Variants in LOXHD1 observed in about 807,000 individuals in gnomAD.
The protein encoded by LOXHD1 is lipoxygenase homology PLAT domains 1.
A neutral mutation model predicts 248.2 loss-of-function variants in LOXHD1; 205 were observed. The observed-to-expected ratio is 0.83, with a 90% CI of 0.74 to 0.93. The LOEUF (loss-of-function observed/expected upper bound fraction) is 0.93. LOXHD1 is among the 40% of genes least tolerant of loss of function. LOXHD1 has a pLI of 0.00. For synonymous variants in LOXHD1, 1,113 were observed against 1,162.8 expected, an observed-to-expected ratio of 0.96 and a Z score of 0.87; for missense variants, 2,930 against 2,971.6, an observed-to-expected ratio of 0.99 and a Z score of 0.33.
intron 11 of LOXHD1, 51 bp downstream of exon 11, chr18:46,592,447 T>C (rs2038188873): frequency 7.0e-7 from 1 of 1,420,030 alleles, no homozygotes; most frequent in Non-Finnish European, 9.7e-7. Context: ...AAAGGGACCA[T>C]CCTTGTTCCT....
At chr18:46,539,795 A>T (rs952476598) in intron 25 of LOXHD1, among the ~76,000 whole-genome samples, 4 of 152,296 alleles carry the variant, frequency 2.6e-5, no homozygotes, top group Non-Finnish European at 5.9e-5. Context: ...CTAAAAAAAA[A>T]TTTAAGAAAA....
At chr18:46,559,636 T>C in intron 19 of LOXHD1, 34 bp from the exon 20 acceptor site, 1 of 1,548,026 alleles carries the variant, frequency 6.5e-7, no homozygotes, top group Non-Finnish European at 8.7e-7. Flanking sequence ...GTGGAGGGCC[T>C]CATGGCCATG....
At position 46,485,082 on chromosome 18, in the gene LOXHD1, C is replaced by T. The variant is rs751510413; in HGVS notation, c.6119G>A (p.Gly2040Asp). Reference protein sequence around the residue: ...TRENVWLILEGRKNRSKEFLM... With the variant: ...TRENVWLILEDRKNRSKEFLM... ...AAACTCTTTGGATCGGTTCTTCCTG[C>T]CCTCCAGGATGAGCCAGACGTTCTC... The change falls in exon 39 of 41, where the codon GGC becomes GAC. Residue 2040 changes from glycine (G) to aspartate (D), a missense_variant. Physicochemically the swap from Gly to Asp is moderately conservative, Grantham distance 94 (BLOSUM62 -1). Transcript: ENST00000642948. 3.2e-6 allele frequency: 5 copies of T among 1,550,772 alleles called. No homozygotes were observed. The highest frequency in any genetic ancestry group is 4.4e-6 in the Non-Finnish European group (5 of 1,146,774).
intron 28 of LOXHD1, among the ~76,000 whole-genome samples, chr18:46,529,863 G>A (rs982134041): frequency 4.6e-5 from 7 of 152,060 alleles, no homozygotes; most frequent in African/African-American, 1.7e-4. Flanking sequence ...CCCTGCCCCA[G>A]CGGTTCAGGT....
chr18:46,481,212 G>C (rs1568067572), intron 40 of LOXHD1, among the ~76,000 whole-genome samples: 1 of 152,220 alleles, frequency 6.6e-6, no homozygotes, highest in Non-Finnish European at 1.5e-5. Context: ...GTTCCTTCTA[G>C]AATGAGGCCA....
In LOXHD1 at chr18:46,569,624, T is replaced by A. The variant is rs2037712878; in HGVS notation, c.2062A>T (p.Ile688Phe). The A allele has an allele frequency of 6.4e-7, 1 of 1,550,782 alleles. No individual in the cohort carries two copies. The highest frequency in any genetic ancestry group is 2.0e-5 in the Admixed American group (1 of 50,948). Residue 688 changes from isoleucine (I) to phenylalanine (F), a missense_variant, in exon 16 of 41, where the codon ATC becomes TTC. Physicochemically the swap from Ile to Phe is conservative, Grantham distance 21. Transcript: ENST00000642948. ...SATLKNFRYH[I>F]SLKTGDVSGA... is the part of the protein sequence containing the mutation. ...GAGACATCCCCAGTCTTCAAGCTGA[T>A]GTGATAGCGAAAGTCTGAACAGCCC...
At chr18:46,546,468 C>T (rs1482844560) in intron 22 of LOXHD1, among the ~76,000 whole-genome samples, 1 of 151,144 alleles carries the variant, frequency 6.6e-6, no homozygotes, top group Non-Finnish European at 1.5e-5. Context: ...CATTCCATTC[C>T]ATTCCAACCC....
At chr18:46,583,333 T>G (rs920774280) in intron 12 of LOXHD1, among the ~76,000 whole-genome samples, 4 of 152,144 alleles carry the variant, frequency 2.6e-5, no homozygotes, top group African/African-American at 9.7e-5. Flanking sequence ...GTCAAACTTT[T>G]GCCCAAACAA....
intron 4 of LOXHD1, among the ~76,000 whole-genome samples, chr18:46,628,167 T>A (rs1056240751): frequency 1.3e-5 from 2 of 152,216 alleles, no homozygotes; most frequent in Non-Finnish European, 2.9e-5. Flanking sequence ...CATTTTCTCC[T>A]CTCTGAAATG....
At chr18:46,595,907 C>T (rs537325614) in intron 8 of LOXHD1, among the ~76,000 whole-genome samples, 27 of 152,104 alleles carry the variant, frequency 1.8e-4, no homozygotes, top group African/African-American at 6.5e-4. Context: ...TAGTAAAATC[C>T]TAAAAGTCTG....
At chr18:46,572,739 G>T (rs1389624472) in intron 14 of LOXHD1, among the ~76,000 whole-genome samples, 2 of 152,120 alleles carry the variant, frequency 1.3e-5, no homozygotes, top group East Asian at 3.9e-4. Context: ...GCTAGGATAC[G>T]TAAGGCCCAG....
Position 46,641,988 on chromosome 18 carries a change from T to G in LOXHD1, c.294A>C (p.Arg98Ser). Reference protein sequence around the residue: ...EKGNVDVFRVRTNNVGLIYKV... With the variant: ...EKGNVDVFRVSTNNVGLIYKV... ...TATAGATGAGGCCCACATTGTTGGT[T>G]CTCACCCGGAACACATCGACGTTGC... The change falls in exon 3 of 41, where the codon AGA becomes AGC. Residue 98 changes from arginine (R) to serine (S), a missense_variant. Physicochemically the swap from Arg to Ser is moderately radical, Grantham distance 110 (BLOSUM62 -1). Transcript: ENST00000642948. 1 of 1,552,340 alleles carries G rather than the reference T, an allele frequency of 6.4e-7. No individual in the cohort carries two copies. The highest frequency in any genetic ancestry group is 2.0e-5 in the Admixed American group (1 of 51,008).
At position 46,489,124 on chromosome 18, in the gene LOXHD1, T is replaced by C. The variant is rs573875462; in HGVS notation, c.5897A>G (p.His1966Arg). 7.1e-6 allele frequency: 11 copies of C among 1,551,666 alleles called. No homozygotes were observed. Among genetic ancestry groups the C allele is most frequent in the East Asian group, 2.4e-5 (1 of 40,916 alleles). ...HDNKGIFPGWHLSYVDVKDNS... is the reference protein window; with the variant it reads ...HDNKGIFPGWRLSYVDVKDNS... ...GTCCTTCACATCGACATAGCTCAGA[T>C]GCCAGCCAGGAAATATCCCTGTGGA... The change falls in exon 38 of 41, where the codon CAT becomes CGT. Residue 1966 changes from histidine to arginine, a missense_variant. Physicochemically the swap from His to Arg is conservative, Grantham distance 29. Coordinates refer to ENST00000642948, the MANE Select transcript of LOXHD1 (RefSeq NM_001384474.1).
At chr18:46,487,999 A>G (rs1257192187) in intron 38 of LOXHD1, among the ~76,000 whole-genome samples, 2 of 152,224 alleles carry the variant, frequency 1.3e-5, no homozygotes, top group African/African-American at 4.8e-5. Context: ...GGGATGCTTC[A>G]ATAACATAAA....
chr18:46,503,021 T>C (rs2034332890), intron 37 of LOXHD1, among the ~76,000 whole-genome samples: 1 of 152,182 alleles, frequency 6.6e-6, no homozygotes, highest in Non-Finnish European at 1.5e-5. Context: ...CTCAGCTCTC[T>C]GGGGGGAGTC....
chr18:46,483,479 C>G, intron 40 of LOXHD1, 108 bp downstream of exon 40: 1 of 1,366,100 alleles, frequency 7.3e-7, no homozygotes, highest in Admixed American at 2.0e-5. Context: ...TAATCTTGAC[C>G]TTGAAGAAGA....
At chr18:46,560,057 A>ACCCCCCCCCC in intron 19 of LOXHD1, 26 bp downstream of exon 19, 4 of 261,646 alleles carry the variant, frequency 1.5e-5, no homozygotes, top group South Asian at 4.5e-5. Context: ...CTCCCTCCCC[A>ACCCCCCCCCC]CCCCCACCCC....
chr18:46,619,660 G>C (rs540731063), intron 4 of LOXHD1, among the ~76,000 whole-genome samples: 4 of 152,356 alleles, frequency 2.6e-5, no homozygotes, highest in Admixed American at 6.5e-5. Context: ...AGGTTGGAGA[G>C]ATGAGGAGAA....
At chr18:46,641,852 A>T in intron 3 of LOXHD1, 104 bp downstream of exon 3, 1 of 1,187,620 alleles carries the variant, frequency 8.4e-7, no homozygotes, top group Non-Finnish European at 1.2e-6. Flanking sequence ...GTAGCCCCTC[A>T]AATAACATCT....
Sources: gnomAD v4.1 joint callset for allele counts (sites outside exome capture counted in the v4.1 genomes callset) on GRCh38, gnomAD v4.1.1 for gene constraint, MANE v1.5 for transcripts, NCBI Gene and HGNC (gene_info 2026-07-23, HGNC 2026-07-21) for gene names.